SLCO1B1: variants seen among roughly 807,000 people sequenced by gnomAD.
SLCO1B1 encodes solute carrier organic anion transporter family member 1B1.
In SLCO1B1, 81 loss-of-function variants were observed where a neutral mutation model predicts 70.1. The ratio of observed to expected loss-of-function variants is 1.16; its 90% CI spans 0.97 to 1.39. The LOEUF (loss-of-function observed/expected upper bound fraction) is 1.39. Ranked by LOEUF, SLCO1B1 falls within the 40% of genes most tolerant of loss-of-function variation. The pLI is 0.00. For missense variants in SLCO1B1, 895 were observed against 799.6 expected (o/e 1.12, Z -1.44); for synonymous variants, 283 against 271.5 (o/e 1.04, Z -0.42).
chr12:21,220,434 T>C (rs1941409863), intron 12 of SLCO1B1, among the ~76,000 whole-genome samples: 1 of 152,248 alleles, frequency 6.6e-6, no homozygotes, highest in Admixed American at 6.5e-5. Flanking sequence ...GGCTGAAGTA[T>C]AATGGCATGA....
At chr12:21,171,610 G>A (rs1427065205) in intron 2 of SLCO1B1, among the ~76,000 whole-genome samples, 1 of 152,178 alleles carries the variant, frequency 6.6e-6, no homozygotes, top group Non-Finnish European at 1.5e-5. Flanking sequence ...AGGCATGGTG[G>A]TGGAAACCAC....
chr12:21,199,901 A>G (rs2121144915), intron 8 of SLCO1B1, among the ~76,000 whole-genome samples: 1 of 151,844 alleles, frequency 6.6e-6, no homozygotes, highest in East Asian at 1.9e-4. Context: ...TCCCTAATTC[A>G]AGCAATTCTC....
intron 11 of SLCO1B1, among the ~76,000 whole-genome samples, chr12:21,209,673 C>T (rs1479801800): frequency 1.3e-5 from 2 of 151,692 alleles, no homozygotes; most frequent in Non-Finnish European, 2.9e-5. Context: ...ACAGTCCCAC[C>T]AACAGTGTAA....
intron 11 of SLCO1B1, among the ~76,000 whole-genome samples, chr12:21,214,442 G>A (rs1342088347): frequency 1.4e-5 from 2 of 146,982 alleles, no homozygotes; most frequent in Non-Finnish European, 1.5e-5. Context: ...GCTGCGTGCC[G>A]GGAGAACCAC....
chr12:21,195,693 A>G (rs2121137597), intron 7 of SLCO1B1, among the ~76,000 whole-genome samples: 1 of 152,232 alleles, frequency 6.6e-6, no homozygotes, highest in Non-Finnish European at 1.5e-5. Flanking sequence ...TTTTGTTTCT[A>G]ATTTTTTTTA....
At chr12:21,198,791 C>G (rs1463021553) in intron 8 of SLCO1B1, among the ~76,000 whole-genome samples, 1 of 152,060 alleles carries the variant, frequency 6.6e-6, no homozygotes, top group African/African-American at 2.4e-5. Context: ...TCCTAAGGTA[C>G]TTAGTTTAAT....
intron 11 of SLCO1B1, among the ~76,000 whole-genome samples, chr12:21,211,398 C>T (rs1170309915): frequency 6.6e-6 from 1 of 152,028 alleles, no homozygotes; most frequent in Admixed American, 6.6e-5. Flanking sequence ...GCCTTGCATC[C>T]CAGGGATGAA....
chr12:21,226,373 C>T (rs539056464), intron 14 of SLCO1B1, among the ~76,000 whole-genome samples: 6 of 151,444 alleles, frequency 4.0e-5, no homozygotes, highest in Non-Finnish European at 8.8e-5. Flanking sequence ...AAGCTCATGG[C>T]ACTGCTCTCC....
At chr12:21,141,223 A>G (rs1054942860) in intron 1 of SLCO1B1, among the ~76,000 whole-genome samples, 2 of 151,872 alleles carry the variant, frequency 1.3e-5, no homozygotes, top group Non-Finnish European at 2.9e-5. Flanking sequence ...AAATTTCTAT[A>G]ATTTAAAATG....
intron 1 of SLCO1B1, among the ~76,000 whole-genome samples, chr12:21,137,320 A>C (rs924002474): frequency 2.0e-5 from 3 of 152,082 alleles, no homozygotes; most frequent in Non-Finnish European, 2.9e-5. Context: ...CTCAGATCTC[A>C]AGCTGCGTGC....
chr12:21,137,214 G>A lies in SLCO1B1; in HGVS notation c.-61-4300G>A, dbSNP rs942809406. Among the ~76,000 whole-genome samples the A allele has an allele frequency of 6.6e-5, 10 of 152,202 alleles. No homozygotes were observed. The South Asian group carries it at 1.7e-3, about 25-fold the overall frequency. On this transcript the variant is annotated intron_variant, in intron 1 of 14. Coordinates refer to ENST00000256958, the MANE Select transcript of SLCO1B1 (RefSeq NM_006446.5). Reference sequence around the variant, plus strand: ...GAAGTTTTGTCTCAGAGGAGTACCCGACCGTGTGAGGTGTCAGTCCGCCCC... The same window carrying A: ...GAAGTTTTGTCTCAGAGGAGTACCCAACCGTGTGAGGTGTCAGTCCGCCCC...
At chr12:21,176,680 T>C (rs1940824844) in intron 4 of SLCO1B1, 96 bp from the exon 5 acceptor site, 1 of 967,128 alleles carries the variant, frequency 1.0e-6, no homozygotes. Flanking sequence ...GGGAAGATAA[T>C]GGTGCAAATA....
At chr12:21,212,760 C>T (rs199795230) in intron 11 of SLCO1B1, among the ~76,000 whole-genome samples, 25,018 of 141,220 alleles carry the variant, frequency 0.18, 2,449 homozygotes, top group East Asian at 0.44. Flanking sequence ...GTATTGGGTG[C>T]ATATATATTT....
At chr12:21,185,949 G>T (rs573205995) in intron 7 of SLCO1B1, among the ~76,000 whole-genome samples, 21 of 151,926 alleles carry the variant, frequency 1.4e-4, no homozygotes, top group African/African-American at 5.1e-4. Flanking sequence ...AGAAAATCTA[G>T]AGGAAGTAGA....
intron 1 of SLCO1B1, 45 bp downstream of exon 1, chr12:21,131,281 A>G (rs1940129202): frequency 6.6e-6 from 1 of 152,096 alleles, no homozygotes; most frequent in African/African-American, 2.4e-5. Flanking sequence ...TATTTTATGT[A>G]AGAAATTTTC....
At chr12:21,220,508 C>G (rs1941410822) in intron 12 of SLCO1B1, among the ~76,000 whole-genome samples, 1 of 151,922 alleles carries the variant, frequency 6.6e-6, no homozygotes, top group South Asian at 2.1e-4. Flanking sequence ...TATTAAAATC[C>G]ATGGAACTAA....
chr12:21,168,451 T>C (rs1940717883), intron 2 of SLCO1B1, among the ~76,000 whole-genome samples: 1 of 152,212 alleles, frequency 6.6e-6, no homozygotes, highest in South Asian at 2.1e-4. Flanking sequence ...GGTGATTCTA[T>C]TGTTTAGTAT....
chr12:21,135,516 TC>T (rs1227987401), intron 1 of SLCO1B1, among the ~76,000 whole-genome samples: 2 of 152,174 alleles, frequency 1.3e-5, no homozygotes, highest in Admixed American at 6.5e-5. Context: ...ATCTGGGTGC[TC>T]CTGTATTGGG....
At chr12:21,152,411 T>TA (rs1413325243) in intron 2 of SLCO1B1, among the ~76,000 whole-genome samples, 5 of 151,596 alleles carry the variant, frequency 3.3e-5, no homozygotes, top group South Asian at 2.1e-4. Flanking sequence ...ATTATATATA[T>TA]TTTTTTTCTT....
Sources: allele counts gnomAD v4.1 joint callset (sites outside exome capture counted in the v4.1 genomes callset), GRCh38; gene constraint gnomAD v4.1.1; transcripts MANE v1.5; gene names NCBI Gene and HGNC (gene_info 2026-07-23, HGNC 2026-07-21).